TG: variants seen among roughly 807,000 people sequenced by gnomAD.
The protein encoded by TG is thyroid hormones.
In TG, 270 loss-of-function variants were observed where a neutral mutation model predicts 324.7. The ratio of observed to expected loss-of-function variants is 0.83; its 90% CI spans 0.75 to 0.92. The LOEUF is 0.92. Among genes scored for constraint, TG ranks in the 40% least tolerant of loss-of-function variants. The probability of loss-of-function intolerance (pLI) is 0.00; values close to 1 mark genes in which losing one functional copy is unlikely to be tolerated. For missense variants in TG, 3,591 were observed against 3,456.4 expected, an observed-to-expected ratio of 1.04 and a Z score of -0.98; for synonymous variants, 1,401 against 1,327.0, an observed-to-expected ratio of 1.06 and a Z score of -1.21.
intron 19 of TG, among the ~76,000 whole-genome samples, chr8:132,912,645 G>A (rs1174624192): frequency 6.6e-6 from 1 of 152,142 alleles, no homozygotes. Context: ...ACTGCAAAGA[G>A]AGCCATTCCC....
At chr8:132,922,210 G>A (rs1821204492) in intron 21 of TG, among the ~76,000 whole-genome samples, 1 of 152,228 alleles carries the variant, frequency 6.6e-6, no homozygotes, top group Admixed American at 6.5e-5. Flanking sequence ...AGCAGCTTGT[G>A]AGAGGTCTTG....
chr8:132,974,259 G>T (rs1406993583), intron 34 of TG, among the ~76,000 whole-genome samples: 3 of 152,116 alleles, frequency 2.0e-5, no homozygotes, highest in Non-Finnish European at 2.9e-5. Context: ...CTCCCAAAGT[G>T]CTGGGATTAC....
At chr8:133,043,020 T>C (rs1457206972) in intron 41 of TG, among the ~76,000 whole-genome samples, 1 of 151,918 alleles carries the variant, frequency 6.6e-6, no homozygotes, top group Non-Finnish European at 1.5e-5. Context: ...GTGAATCCAG[T>C]GGAGATAAAA....
At chr8:133,037,934 AG>A (rs1208402154) in intron 41 of TG, 2 of 153,252 alleles carry the variant, frequency 1.3e-5, no homozygotes, top group East Asian at 3.9e-4. Context: ...AGCAGACCAA[AG>A]GTATCTCCCA....
At chr8:133,095,291 C>G in intron 42 of TG, 83 bp downstream of exon 42, 1 of 1,582,930 alleles carries the variant, frequency 6.3e-7, no homozygotes, top group Non-Finnish European at 8.7e-7. Context: ...GGAGGTGTCA[C>G]CCACCCCAGC....
intron 45 of TG, among the ~76,000 whole-genome samples, chr8:133,126,323 A>G (rs1851514669): frequency 1.3e-5 from 2 of 152,238 alleles, no homozygotes; most frequent in African/African-American, 2.4e-5. Context: ...TAAAATCACA[A>G]TGACAAATAC....
intron 45 of TG, among the ~76,000 whole-genome samples, chr8:133,126,083 A>T (rs914068047): frequency 2.0e-5 from 3 of 152,230 alleles, no homozygotes; most frequent in African/African-American, 7.2e-5. Context: ...AAAAATGAGT[A>T]AGATAGGTGT....
rs144254329 is a variant in TG at position 132,887,234 on chromosome 8, C to T, written c.1862C>T (p.Thr621Met). The change falls in exon 9 of 48, where the codon ACG (threonine) becomes ATG (methionine). Residue 621 changes from threonine (T) to methionine (M), a missense_variant. Coordinates refer to ENST00000220616, the MANE Select transcript of TG (RefSeq NM_003235.5). ...GAAAGGCTATTTGTCCCATCATGCA[C>T]GACAGAAGGAAGCTATGAGGATGTC... ...TPERLFVPSC[T>M]TEGSYEDVQC... 1.1e-4 allele frequency: 169 copies of T among 1,607,198 alleles called. No individual in the cohort carries two copies. The highest frequency in any genetic ancestry group is 1.1e-4 in the African/African-American group (8 of 74,774).
intron 8 of TG, among the ~76,000 whole-genome samples, chr8:132,885,012 C>A (rs913132645): frequency 6.6e-6 from 1 of 152,194 alleles, no homozygotes; most frequent in Non-Finnish European, 1.5e-5. Context: ...TGCTGCCAAT[C>A]TTTCCCCTCC....
intron 41 of TG, among the ~76,000 whole-genome samples, chr8:133,051,484 G>T (rs1840392383): frequency 6.6e-6 from 1 of 152,136 alleles, no homozygotes; most frequent in South Asian, 2.1e-4. Flanking sequence ...TAACTCTGAG[G>T]TTAAACAAAA....
intron 41 of TG, among the ~76,000 whole-genome samples, chr8:133,080,911 A>T (rs751991916): frequency 6.6e-6 from 1 of 152,158 alleles, no homozygotes; most frequent in African/African-American, 2.4e-5. Context: ...CTCTCAACCA[A>T]CAATGATTGC....
At position 132,901,511 on chromosome 8, in the gene TG, G is replaced by A. The variant is rs1469237125; in HGVS notation, c.3592G>A (p.Val1198Met). 1.6e-5 allele frequency: 26 copies of A among 1,613,910 alleles called. No individual in the cohort carries two copies. Among genetic ancestry groups the A allele is most frequent in the Non-Finnish European group, 2.1e-5 (25 of 1,180,056 alleles). ...GTGTGTCATGGACAGCGGAGAAGAG[G>A]TGCCTGGGACGCGCGTGACCGGGGG... Reference protein sequence around the residue: ...CWCVMDSGEEVPGTRVTGGQP... With the variant: ...CWCVMDSGEEMPGTRVTGGQP... Residue 1198 changes from valine (V) to methionine (M), a missense_variant, in exon 16 of 48, where the codon GTG becomes ATG. By Grantham distance (21) the Val-to-Met change is conservative. Coordinates refer to ENST00000220616, the MANE Select transcript of TG (RefSeq NM_003235.5).
At chr8:133,020,457 C>T (rs910780242) in intron 39 of TG, among the ~76,000 whole-genome samples, 6 of 152,194 alleles carry the variant, frequency 3.9e-5, no homozygotes, top group South Asian at 4.1e-4. Context: ...ACAAGCCAAA[C>T]GGCCTTTTCC....
At chr8:132,968,393 G>T (rs1026005104) in intron 31 of TG, among the ~76,000 whole-genome samples, 9 of 152,172 alleles carry the variant, frequency 5.9e-5, no homozygotes, top group African/African-American at 2.2e-4. Context: ...ACATGCATCA[G>T]AATCCCATTT....
Position 133,046,188 on chromosome 8 carries a change from A to G in TG, c.7239+16165A>G, listed in dbSNP as rs2131163677. ...CTTGCTCTGGGGTTCCAGGAGTAGAAAACACCCAAGAGACAGAGGAGAAAG... is the reference window on the plus strand; with the variant it reads ...CTTGCTCTGGGGTTCCAGGAGTAGAGAACACCCAAGAGACAGAGGAGAAAG... On this transcript the variant is annotated intron_variant, in intron 41 of 47. Coordinates refer to ENST00000220616, the MANE Select transcript of TG (RefSeq NM_003235.5). Among the ~76,000 whole-genome samples, 3 of 152,336 alleles carry G rather than the reference A, an allele frequency of 2.0e-5. No homozygotes were observed. In the South Asian group the frequency reaches 6.2e-4, roughly 32 times the overall value.
At chr8:132,910,096 T>C (rs1819290014) in intron 18 of TG, among the ~76,000 whole-genome samples, 1 of 152,232 alleles carries the variant, frequency 6.6e-6, no homozygotes, top group Non-Finnish European at 1.5e-5. Flanking sequence ...TCTCATTAAA[T>C]GACAACTATA....
intron 41 of TG, among the ~76,000 whole-genome samples, chr8:133,089,389 C>T (rs1037887467): frequency 1.3e-5 from 2 of 152,184 alleles, no homozygotes; most frequent in Non-Finnish European, 2.9e-5. Context: ...CACTACCAAC[C>T]ATTTTCAGCA....
At chr8:132,888,617 G>GTT (rs1563914429) in intron 10 of TG, 49 bp downstream of exon 10, 1 of 1,500,884 alleles carries the variant, frequency 6.7e-7, no homozygotes, top group East Asian at 2.3e-5. Context: ...GTGTGTGTGT[G>GTT]TGTGTATGTG....
chr8:133,019,565 G>A (rs1476539610), intron 38 of TG, 37 bp from the exon 39 acceptor site: 4 of 1,586,616 alleles, frequency 2.5e-6, no homozygotes, highest in South Asian at 1.1e-5. Flanking sequence ...GGTGGTGATG[G>A]AGCATGTCTT....
Sources: gnomAD v4.1 joint callset for allele counts (sites outside exome capture counted in the v4.1 genomes callset) on GRCh38, gnomAD v4.1.1 for gene constraint, MANE v1.5 for transcripts, NCBI Gene and HGNC (gene_info 2026-07-23, HGNC 2026-07-21) for gene names.